The following BTAF1 variants were observed in gnomAD, a reference collection of about 807,000 sequenced individuals.
BTAF1 encodes TATA-binding protein-associated factor 172.
In BTAF1, 38 loss-of-function variants were observed where a neutral mutation model predicts 227.1. That is an observed-to-expected ratio of 0.17 (90% CI 0.13 to 0.22). The LOEUF (loss-of-function observed/expected upper bound fraction) is 0.22, where lower values mean the gene tolerates loss of function less well. Ranked by LOEUF, BTAF1 falls within the 10% of genes least tolerant of loss-of-function variation. BTAF1 has a pLI of 1.00. For missense variants in BTAF1, 1,598 were observed against 2,204.0 expected (o/e 0.73, Z 5.51); for synonymous variants, 742 against 751.9 (o/e 0.99, Z 0.21).
At chr10:92,020,842 C>T (rs1029121392) in intron 34 of BTAF1, among the ~76,000 whole-genome samples, 3 of 152,084 alleles carry the variant, frequency 2.0e-5, no homozygotes, top group Admixed American at 2.0e-4. Context: ...GAATTTCATC[C>T]ATATTTGAAT....
rs1451509769 is a variant in BTAF1 at position 91,996,394 on chromosome 10, A to C, written c.3335A>C (p.Tyr1112Ser). 1.7e-5 allele frequency: 27 copies of C among 1,614,030 alleles called. No individual in the cohort carries two copies. The highest frequency in any genetic ancestry group is 2.3e-5 in the Non-Finnish European group (27 of 1,180,036). ...PLLVQHLPHL[Y>S]MCLQYPSTAV... ...TTGGTCCAGCATTTGCCACATCTTTATATGTGCCTTCAATACCCCAGTACT... is the reference window on the plus strand; with the variant it reads ...TTGGTCCAGCATTTGCCACATCTTTCTATGTGCCTTCAATACCCCAGTACT... The change falls in exon 24 of 38, where the codon TAT becomes TCT. Residue 1112 changes from tyrosine (Y) to serine (S), a missense_variant. Tyr to Ser is a moderately radical substitution (Grantham distance 144). Coordinates refer to ENST00000265990, the MANE Select transcript of BTAF1 (RefSeq NM_003972.3).
intron 1 of BTAF1, among the ~76,000 whole-genome samples, chr10:91,927,274 G>T (rs1191803032): frequency 6.6e-6 from 1 of 151,914 alleles, no homozygotes; most frequent in African/African-American, 2.4e-5. Flanking sequence ...GAGTAGCTGG[G>T]ATTACAGGCA....
Position 91,935,638 on chromosome 10 carries a change from T to C in BTAF1, c.15-19T>C, listed in dbSNP as rs1391624819. The C allele has an allele frequency of 2.2e-5, 35 of 1,610,344 alleles. No individual in the cohort carries two copies. The highest frequency in any genetic ancestry group is 2.8e-5 in the Non-Finnish European group (33 of 1,177,876). On this transcript the variant is annotated intron_variant, in intron 1 of 37. Coordinates refer to ENST00000265990, the MANE Select transcript of BTAF1 (RefSeq NM_003972.3). ...AGGAAAAGCATTTGAGAATAACCAT[T>C]GTATTTTTGTTATTTCAGGCTAGAT... is the stretch of plus-strand genomic sequence containing the variant.
Position 91,991,291 on chromosome 10 carries a change from T to TATATATATAA in BTAF1, c.2855-827_2855-826insTATATATAAA, listed in dbSNP as rs1456317058. 2.3e-4 allele frequency among the ~76,000 whole-genome samples: 31 copies of TATATATATAA among 133,044 alleles called. 1 individual carries two copies. The South Asian group carries it at 7.0e-3, about 30-fold the overall frequency. The allele number at this position is 133,044 out of a possible 152,430, so 87.3% of individuals were successfully genotyped here. A position where few individuals can be genotyped will look rare whatever the true frequency, so the allele number is the denominator to read the frequency against. ...ATATAAATATATATATATATATATA[T>TATATATATAA]AAATTATCCGGACGTGGTGGCGTGC... is the stretch of plus-strand genomic sequence containing the variant. On this transcript the variant is annotated intron_variant, in intron 20 of 37. Transcript: ENST00000265990.
In BTAF1 at chr10:91,984,420, ACTTT is replaced by A. The variant is rs752244617; in HGVS notation, c.2427+20_2427+23del. On this transcript the variant is annotated intron_variant, in intron 19 of 37. Coordinates refer to ENST00000265990, the MANE Select transcript of BTAF1 (RefSeq NM_003972.3). ...TAGTGACTTGGTGAGTAAAGAAATA[ACTTT>A]CTTAATTAGAGATAGAACATGAAAT... is the stretch of plus-strand genomic sequence containing the variant. 7.6e-6 allele frequency: 12 copies of A among 1,577,312 alleles called. No homozygotes were observed. The South Asian group carries it at 1.1e-4, about 15-fold the overall frequency.
At chr10:91,924,234 G>C (rs889358909) in intron 1 of BTAF1, 144 bp downstream of exon 1, 2 of 1,172,218 alleles carry the variant, frequency 1.7e-6, no homozygotes, top group African/African-American at 3.2e-5. Context: ...AGTTCGCCCC[G>C]TGGTCGGCGG....
intron 4 of BTAF1, among the ~76,000 whole-genome samples, chr10:91,946,721 A>G (rs1373316826): frequency 3.3e-5 from 5 of 152,248 alleles, no homozygotes; most frequent in Admixed American, 6.5e-5. Context: ...GTCAATTCAT[A>G]TAACTTGCAC....
chr10:91,941,972 A>C (rs572525363), intron 3 of BTAF1, among the ~76,000 whole-genome samples: 1 of 152,246 alleles, frequency 6.6e-6, no homozygotes, highest in Admixed American at 6.5e-5. Context: ...CTACACTTTT[A>C]CTTTTCTCAA....
At chr10:91,961,450 C>CT (rs5786981) in intron 11 of BTAF1, among the ~76,000 whole-genome samples, 35 of 147,858 alleles carry the variant, frequency 2.4e-4, no homozygotes, top group East Asian at 3.9e-4. Flanking sequence ...CTAAGATTGT[C>CT]TTTTTTTTTT....
intron 1 of BTAF1, among the ~76,000 whole-genome samples, 173 bp downstream of exon 1, chr10:91,924,263 C>G (rs1243342170): frequency 6.6e-6 from 1 of 152,242 alleles, no homozygotes; most frequent in Non-Finnish European, 1.5e-5. Flanking sequence ...GCTCGGGTTA[C>G]TCCTGGGTAA....
chr10:92,027,084 A>G (rs368121550), intron 36 of BTAF1, 46 bp from the exon 37 acceptor site: 49 of 1,563,060 alleles, frequency 3.1e-5, no homozygotes, highest in Non-Finnish European at 4.1e-5. Flanking sequence ...TTGGAACCTC[A>G]AAGCATAATA....
intron 4 of BTAF1, among the ~76,000 whole-genome samples, chr10:91,950,777 G>A (rs902145293): frequency 4.0e-5 from 6 of 151,296 alleles, no homozygotes; most frequent in African/African-American, 1.2e-4. Context: ...GAGAGCTTTC[G>A]TAGGAGGTAC....
intron 1 of BTAF1, among the ~76,000 whole-genome samples, chr10:91,931,310 T>C (rs536256984): frequency 1.3e-5 from 2 of 152,356 alleles, no homozygotes; most frequent in African/African-American, 4.8e-5. Context: ...CCAGATTTCT[T>C]ATTCTCAATA....
intron 25 of BTAF1, among the ~76,000 whole-genome samples, chr10:92,007,201 A>AT (rs1260008797): frequency 2.2e-5 from 2 of 92,822 alleles, no homozygotes; most frequent in South Asian, 3.7e-4. Context: ...CTATCAAGGT[A>AT]TTTTTTGTCT....
At chr10:91,999,551 C>A (rs1355422618) in intron 25 of BTAF1, among the ~76,000 whole-genome samples, 4 of 152,188 alleles carry the variant, frequency 2.6e-5, no homozygotes, top group Non-Finnish European at 5.9e-5. Flanking sequence ...TGCGCCACTG[C>A]GCCCTGCTAA....
chr10:92,021,542 T>TTTTTTC (rs1015095162), intron 34 of BTAF1, among the ~76,000 whole-genome samples: 4 of 151,956 alleles, frequency 2.6e-5, no homozygotes, highest in African/African-American at 9.7e-5. Context: ...AGTTGTTTTT[T>TTTTTTC]TTTTTCTTTT....
chr10:91,965,268 A>T (rs1846821713), intron 13 of BTAF1, among the ~76,000 whole-genome samples: 1 of 152,176 alleles, frequency 6.6e-6, no homozygotes, highest in Non-Finnish European at 1.5e-5. Context: ...TTTAAGCTGC[A>T]AGATGAAGGG....
chr10:91,994,785 C>T (rs1452290565), intron 23 of BTAF1, 141 bp downstream of exon 23: 9 of 664,232 alleles, frequency 1.4e-5, no homozygotes, highest in South Asian at 8.2e-5. Flanking sequence ...TAGATTCCTC[C>T]TTTACTAACA....
At chr10:91,942,114 A>G (rs1328287961) in intron 3 of BTAF1, among the ~76,000 whole-genome samples, 1 of 152,140 alleles carries the variant, frequency 6.6e-6, no homozygotes, top group East Asian at 1.9e-4. Context: ...CCTTGTCTCT[A>G]CAAAAATAAA....
Sources: gnomAD v4.1 joint callset for allele counts (sites outside exome capture counted in the v4.1 genomes callset) on GRCh38, gnomAD v4.1.1 for gene constraint, MANE v1.5 for transcripts, NCBI Gene and HGNC (gene_info 2026-07-23, HGNC 2026-07-21) for gene names.